Variants in PCDH7 observed in about 807,000 individuals in gnomAD.
PCDH7 encodes protocadherin-7.
In PCDH7, 17 loss-of-function variants were observed where a neutral mutation model predicts 58.9. The ratio of observed to expected loss-of-function variants is 0.29; its 90% CI spans 0.20 to 0.43. The LOEUF is 0.43. Ranked by LOEUF, PCDH7 falls within the 20% of genes least tolerant of loss-of-function variation. The pLI is 1.00. For missense variants in PCDH7, 1,274 were observed against 1,441.0 expected, an observed-to-expected ratio of 0.88 and a Z score of 1.88; for synonymous variants, 664 against 616.4, an observed-to-expected ratio of 1.08 and a Z score of -1.14.
chr4:31,068,523 C>T (rs1397577733), intron 3 of PCDH7, among the ~76,000 whole-genome samples: 1 of 152,010 alleles, frequency 6.6e-6, no homozygotes, highest in Non-Finnish European at 1.5e-5. Context: ...TAATCTGACA[C>T]TTCTCTGGTG....
chr4:30,766,879 A>AT (rs577502228), intron 1 of PCDH7, among the ~76,000 whole-genome samples: 4 of 152,070 alleles, frequency 2.6e-5, no homozygotes, highest in African/African-American at 7.2e-5. Flanking sequence ...TAATCACTGT[A>AT]TTTTTTCAAG....
At chr4:30,912,920 G>A (rs533796695) in intron 1 of PCDH7, among the ~76,000 whole-genome samples, 134 of 152,096 alleles carry the variant, frequency 8.8e-4, no homozygotes, top group Middle Eastern at 3.4e-3. Context: ...TTTTTAATAC[G>A]TCCGATTGTG....
chr4:30,836,193 A>G (rs895118659), intron 1 of PCDH7, among the ~76,000 whole-genome samples: 3 of 152,222 alleles, frequency 2.0e-5, no homozygotes, highest in African/African-American at 7.2e-5. Context: ...TATGTTATTG[A>G]GCATTTATTA....
At chr4:30,806,881 G>A (rs140614431) in intron 1 of PCDH7, among the ~76,000 whole-genome samples, 1 of 151,910 alleles carries the variant, frequency 6.6e-6, no homozygotes, top group Non-Finnish European at 1.5e-5. Flanking sequence ...ATCTATTGTA[G>A]AGTGTCACTT....
At chr4:31,059,956 TAA>T (rs1338814044) in intron 3 of PCDH7, among the ~76,000 whole-genome samples, 9 of 151,812 alleles carry the variant, frequency 5.9e-5, no homozygotes, top group African/African-American at 2.2e-4. Flanking sequence ...AAATAACTCA[TAA>T]AATTACACAA....
At chr4:30,855,004 C>T (rs1733275064) in intron 1 of PCDH7, among the ~76,000 whole-genome samples, 1 of 152,112 alleles carries the variant, frequency 6.6e-6, no homozygotes, top group South Asian at 2.1e-4. Flanking sequence ...CTAGCAATTA[C>T]GTTGGCTCAA....
At chr4:31,043,871 T>G (rs1261107272) in intron 3 of PCDH7, among the ~76,000 whole-genome samples, 1 of 152,116 alleles carries the variant, frequency 6.6e-6, no homozygotes, top group Non-Finnish European at 1.5e-5. Flanking sequence ...ACAAAGGAGA[T>G]CACTGTAAGC....
chr4:30,754,229 A>T (rs1718980099), intron 1 of PCDH7, among the ~76,000 whole-genome samples: 1 of 151,732 alleles, frequency 6.6e-6, no homozygotes, highest in Non-Finnish European at 1.5e-5. Context: ...AGAGGTTACT[A>T]TTAGCCTCCA....
intron 3 of PCDH7, among the ~76,000 whole-genome samples, chr4:31,071,091 G>A (rs1444264241): frequency 1.3e-5 from 2 of 152,028 alleles, no homozygotes; most frequent in East Asian, 3.9e-4. Flanking sequence ...TTTAGAGACT[G>A]ACACTGTCAA....
chr4:31,070,509 GCTAATAAAACACAGACATTTGTGT>G (rs1758458696), intron 3 of PCDH7, among the ~76,000 whole-genome samples: 1 of 152,016 alleles, frequency 6.6e-6, no homozygotes, highest in Admixed American at 6.6e-5. Flanking sequence ...AAGGACATTG[GCTAATAAAACACAGACATTTGTGT>G]CTAGATGCTG....
At position 31,123,302 on chromosome 4, in the gene PCDH7, TAAG is replaced by T. The variant is rs201445897; in HGVS notation, c.*8-19168_*8-19166del. On this transcript the variant is annotated intron_variant, in intron 3 of 3. Coordinates refer to the PCDH7 transcript ENST00000509759. ...TAATTAAGAATCAATATTCGATACT[TAAG>T]AATCAATATTCTATCTATCAAATAT... is the stretch of plus-strand genomic sequence containing the variant. Among the ~76,000 whole-genome samples, 1,122 of 152,208 alleles carry T rather than the reference TAAG, an allele frequency of 7.4e-3. 11 individuals carry two copies. Among genetic ancestry groups the T allele is most frequent in the African/African-American group, 0.025 (1,052 of 41,534 alleles).
In PCDH7 at chr4:30,881,475, C is replaced by T. The variant is rs190970381; in HGVS notation, c.71-38678C>T. Among the ~76,000 whole-genome samples the T allele has an allele frequency of 2.3e-3, 350 of 152,246 alleles. 2 individuals carry two copies. Among genetic ancestry groups the T allele is most frequent in the African/African-American group, 8.1e-3 (337 of 41,562 alleles). On this transcript the variant is annotated intron_variant, in intron 1 of 3. Transcript: ENST00000509759. The stretch of plus-strand genomic sequence containing the variant: ...ACACATGCATAAAAACAAACATGCA[C>T]ATTTACAGCAACCAGAGATCATTGA...
intron 3 of PCDH7, among the ~76,000 whole-genome samples, chr4:30,966,394 T>C (rs1748995728): frequency 6.6e-6 from 1 of 152,158 alleles, no homozygotes; most frequent in Middle Eastern, 3.2e-3. Flanking sequence ...AATTATTCAT[T>C]AGGGATGGGT....
intron 3 of PCDH7, among the ~76,000 whole-genome samples, chr4:31,002,255 G>A (rs183831757): frequency 1.1e-4 from 16 of 152,268 alleles, no homozygotes; most frequent in Admixed American, 1.0e-3. Flanking sequence ...CTTTCAAAGG[G>A]ATAAAATGAT....
chr4:30,771,981 G>A lies in PCDH7; in HGVS notation c.70+47385G>A, dbSNP rs757573586. Among the ~76,000 whole-genome samples, 7 of 151,788 alleles carry A rather than the reference G, an allele frequency of 4.6e-5. No individual in the cohort carries two copies. In the East Asian group the frequency reaches 7.8e-4, roughly 17 times the overall value. On this transcript the variant is annotated intron_variant, in intron 1 of 3. Coordinates refer to the PCDH7 transcript ENST00000509759. ...CGCCTCCAGGGTTCAAGCGATTCTC[G>A]TGCCTCAGCCTCTTGAGTAGCTACA...
At chr4:31,127,824 T>C (rs1718479298) in intron 3 of PCDH7, among the ~76,000 whole-genome samples, 1 of 152,026 alleles carries the variant, frequency 6.6e-6, no homozygotes, top group East Asian at 1.9e-4. Context: ...ATATTAAAAT[T>C]ATATTATGCT....
At chr4:30,838,192 A>C (rs1192205747) in intron 1 of PCDH7, among the ~76,000 whole-genome samples, 2 of 152,098 alleles carry the variant, frequency 1.3e-5, no homozygotes, top group Non-Finnish European at 2.9e-5. Context: ...TAATGTTCTA[A>C]TGTGCTTTGA....
intron 3 of PCDH7, among the ~76,000 whole-genome samples, chr4:31,119,820 T>G (rs1717437716): frequency 6.6e-6 from 1 of 152,100 alleles, no homozygotes; most frequent in Admixed American, 6.6e-5. Context: ...TCTTCCCTTT[T>G]CCAGTGGACT....
intron 1 of PCDH7, among the ~76,000 whole-genome samples, chr4:30,762,385 A>C (rs1324900915): frequency 6.6e-6 from 1 of 152,212 alleles, no homozygotes; most frequent in African/African-American, 2.4e-5. Context: ...AATATGCAAT[A>C]AAACTATAAG....
Sources: allele counts gnomAD v4.1 joint callset (sites outside exome capture counted in the v4.1 genomes callset), GRCh38; gene constraint gnomAD v4.1.1; transcripts MANE v1.5; gene names NCBI Gene and HGNC (gene_info 2026-07-23, HGNC 2026-07-21).